RNGTT: variants seen among roughly 807,000 people sequenced by gnomAD.
RNGTT encodes mRNA-capping enzyme.
Under a neutral mutation model 79.3 loss-of-function variants are expected in RNGTT, and 33 were observed. The ratio of observed to expected loss-of-function variants is 0.42; its 90% CI spans 0.32 to 0.56. The LOEUF is 0.56. RNGTT is among the 20% of genes least tolerant of loss of function. The probability of loss-of-function intolerance (pLI) is 0.17; values close to 1 mark genes in which losing one functional copy is unlikely to be tolerated. For synonymous variants in RNGTT, 222 were observed against 235.9 expected, an observed-to-expected ratio of 0.94 and a Z score of 0.54; for missense variants, 497 against 739.1, an observed-to-expected ratio of 0.67 and a Z score of 3.80.
chr6:88,937,543 T>G (rs1000837384), intron 2 of RNGTT, among the ~76,000 whole-genome samples: 3 of 152,020 alleles, frequency 2.0e-5, no homozygotes, highest in African/African-American at 7.2e-5. Flanking sequence ...TTTTTTAGTG[T>G]CTATTTTGTT....
At chr6:88,755,959 CAAAA>C (rs1157096180) in intron 13 of RNGTT, among the ~76,000 whole-genome samples, 1 of 30,524 alleles carries the variant, frequency 3.3e-5, no homozygotes, top group Non-Finnish European at 6.8e-5. Context: ...GACTCCGTCT[CAAAA>C]AAAAAAAAAA....
intron 13 of RNGTT, among the ~76,000 whole-genome samples, chr6:88,739,754 T>TATATATAG (rs1777415947): frequency 1.7e-5 from 1 of 59,906 alleles, no homozygotes; most frequent in Admixed American, 1.8e-4. Flanking sequence ...TATATATATA[T>TATATATAG]ATATATATAT....
chr6:88,914,161 C>T (rs894164514), intron 4 of RNGTT, among the ~76,000 whole-genome samples: 1 of 152,076 alleles, frequency 6.6e-6, no homozygotes, highest in African/African-American at 2.4e-5. Flanking sequence ...AAAAAAATTC[C>T]ATGCTCATGG....
chr6:88,724,568 G>C (rs957422292), intron 13 of RNGTT, among the ~76,000 whole-genome samples: 2 of 152,114 alleles, frequency 1.3e-5, no homozygotes, highest in African/African-American at 2.4e-5. Context: ...ACAGGGGAAG[G>C]GGGAGATGGT....
intron 4 of RNGTT, among the ~76,000 whole-genome samples, chr6:88,923,557 G>A (rs892484093): frequency 6.6e-6 from 1 of 152,064 alleles, no homozygotes. Context: ...AGCCACAGAG[G>A]AGCAGAGAAA....
At chr6:88,700,803 T>C (rs985706515) in intron 13 of RNGTT, among the ~76,000 whole-genome samples, 11 of 152,124 alleles carry the variant, frequency 7.2e-5, no homozygotes, top group Non-Finnish European at 1.5e-4. Context: ...AGTATTTTTG[T>C]TGGATGAATA....
rs530790285 is a variant in RNGTT, at chr6:88,941,414, T to C, written c.65-234A>G. 6.6e-5 allele frequency among the ~76,000 whole-genome samples: 10 copies of C among 152,114 alleles called. 1 individual carries two copies. The highest frequency in any genetic ancestry group is 1.3e-4 in the Admixed American group (2 of 15,278). ...TCCCAAGTAGCTAGGATTACAGGTG[T>C]GTACCACCAAGCCCAGCTAATTTTT... On this transcript the variant is annotated intron_variant, in intron 1 of 15. Coordinates refer to ENST00000369485, the MANE Select transcript of RNGTT (RefSeq NM_003800.5).
chr6:88,819,210 A>G lies in RNGTT; in HGVS notation c.1270-17578T>C, dbSNP rs970303834. On this transcript the variant is annotated intron_variant, in intron 11 of 15. Coordinates refer to ENST00000369485, the MANE Select transcript of RNGTT (RefSeq NM_003800.5). ...TTAAATATATTTTTTGGTAGATAAA[A>G]GATAAAGTCATTTTTCCTGAAATGA... 3.3e-5 allele frequency among the ~76,000 whole-genome samples: 5 copies of G among 152,184 alleles called. No individual in the cohort carries two copies. In the South Asian group the frequency reaches 1.0e-3, roughly 31 times the overall value.
At chr6:88,845,124 A>T (rs1781443803) in intron 10 of RNGTT, among the ~76,000 whole-genome samples, 1 of 151,574 alleles carries the variant, frequency 6.6e-6, no homozygotes. Context: ...CACAGAATTC[A>T]GAAAAGTACA....
chr6:88,653,320 C>T (rs1034003266), intron 14 of RNGTT, among the ~76,000 whole-genome samples: 1 of 152,120 alleles, frequency 6.6e-6, no homozygotes, highest in Non-Finnish European at 1.5e-5. Flanking sequence ...CAAGAACTCA[C>T]CTTAATATAG....
chr6:88,817,695 C>T (rs985862389), intron 11 of RNGTT, among the ~76,000 whole-genome samples: 1 of 149,744 alleles, frequency 6.7e-6, no homozygotes, highest in Non-Finnish European at 1.5e-5. Context: ...AACCTCTGAA[C>T]CTAAATGATA....
chr6:88,920,260 A>C (rs1784124964), intron 4 of RNGTT, among the ~76,000 whole-genome samples: 1 of 152,204 alleles, frequency 6.6e-6, no homozygotes, highest in Non-Finnish European at 1.5e-5. Flanking sequence ...GCCTTGTATA[A>C]AATGGCATAG....
chr6:88,805,391 C>G, intron 11 of RNGTT, among the ~76,000 whole-genome samples: 1 of 152,164 alleles, frequency 6.6e-6, no homozygotes, highest in South Asian at 2.1e-4. Context: ...CAAGAAAGAC[C>G]ACAGGCAGGG....
chr6:88,890,990 T>A (rs909089170), intron 7 of RNGTT, among the ~76,000 whole-genome samples: 1 of 152,168 alleles, frequency 6.6e-6, no homozygotes, highest in East Asian at 1.9e-4. Flanking sequence ...CAACTTGACA[T>A]AACTGCAAGG....
chr6:88,852,653 A>G (rs892887723), intron 9 of RNGTT, among the ~76,000 whole-genome samples: 5 of 152,188 alleles, frequency 3.3e-5, no homozygotes, highest in Non-Finnish European at 7.4e-5. Flanking sequence ...AGGAAAAAAT[A>G]CAAAAATCAA....
At chr6:88,716,907 T>C (rs1482436062) in intron 13 of RNGTT, among the ~76,000 whole-genome samples, 2 of 152,132 alleles carry the variant, frequency 1.3e-5, no homozygotes, top group African/African-American at 2.4e-5. Flanking sequence ...ACTTGGCACA[T>C]GTATACATAT....
In RNGTT at chr6:88,928,985, C is replaced by G. The variant is rs1235849987; in HGVS notation, c.367G>C (p.Gly123Arg). The G allele has an allele frequency of 6.3e-7, 1 of 1,599,304 alleles. No individual in the cohort carries two copies. The highest frequency in any genetic ancestry group is 8.5e-7 in the Non-Finnish European group (1 of 1,172,860). ...FNERNPPELI[G>R]VHCTHGFNRT... is the part of the protein sequence containing the mutation. ...AGTGGCAAAGTAAAGCCAAACATAC[C>G]TATAAGTTCAGGTGGATTTCTTTCA... Residue 123 changes from glycine to arginine, a missense_variant and splice_region_variant, in exon 4 of 16, where the codon GGT becomes CGT. Around this residue, in one of 3 missense-constraint regions of RNGTT, gnomAD observed 440 missense variants for 671.5 expected, o/e 0.66. Coordinates refer to ENST00000369485, the MANE Select transcript of RNGTT (RefSeq NM_003800.5).
intron 13 of RNGTT, among the ~76,000 whole-genome samples, chr6:88,723,069 A>T (rs974791272): frequency 5.9e-5 from 9 of 152,238 alleles, no homozygotes; most frequent in Non-Finnish European, 1.3e-4. Context: ...AGCAACAACA[A>T]AAAGTTAACT....
rs143996607 is a variant in RNGTT at position 88,848,444 on chromosome 6, C to T, written c.1104+1311G>A. Among the ~76,000 whole-genome samples the T allele has an allele frequency of 3.2e-4, 47 of 145,758 alleles. No individual in the cohort carries two copies. In the East Asian group the frequency reaches 8.5e-3, roughly 26 times the overall value. The stretch of plus-strand genomic sequence containing the variant: ...GTTCAATATAGTAGTAATATAAAAG[C>T]AAAAAATGGAAACCTTAATGTTCAT... On this transcript the variant is annotated intron_variant, in intron 10 of 15. Coordinates refer to ENST00000369485, the MANE Select transcript of RNGTT (RefSeq NM_003800.5).
Sources: gnomAD v4.1 joint callset for allele counts (sites outside exome capture counted in the v4.1 genomes callset) on GRCh38, gnomAD v4.1.1 for gene constraint, gnomAD v4.1.1 regional missense constraint, MANE v1.5 for transcripts, NCBI Gene and HGNC (gene_info 2026-07-23, HGNC 2026-07-21) for gene names.